DOCK2: variants seen among roughly 807,000 people sequenced by gnomAD.
DOCK2 encodes the protein dedicator of cytokinesis protein 2.
A neutral mutation model predicts 248.9 loss-of-function variants in DOCK2; 87 were observed. That is an observed-to-expected ratio of 0.35 (90% CI 0.29 to 0.42). DOCK2 has a LOEUF of 0.42. Among genes scored for constraint, DOCK2 ranks in the 10% least tolerant of loss-of-function variants. The pLI, the probability that DOCK2 is intolerant of heterozygous loss-of-function variation, is 1.00. For synonymous variants in DOCK2, 805 were observed against 821.6 expected (o/e 0.98, Z 0.35); for missense variants, 1,747 against 2,300.2 (o/e 0.76, Z 4.92).
chr5:169,735,927 A>G (rs949676112), intron 22 of DOCK2, among the ~76,000 whole-genome samples: 3 of 151,762 alleles, frequency 2.0e-5, no homozygotes, highest in Admixed American at 1.3e-4. Context: ...AGCATGCCTT[A>G]GCATGGCAGA....
At chr5:170,025,414 A>G (rs1310389628) in intron 33 of DOCK2, among the ~76,000 whole-genome samples, 2 of 152,242 alleles carry the variant, frequency 1.3e-5, no homozygotes, top group Non-Finnish European at 2.9e-5. Context: ...TAAATTATTT[A>G]CTGTCTGGCC....
intron 25 of DOCK2, among the ~76,000 whole-genome samples, chr5:169,777,633 C>T (rs1765459022): frequency 6.6e-6 from 1 of 152,174 alleles, no homozygotes; most frequent in Non-Finnish European, 1.5e-5. Flanking sequence ...CCTGATTTTG[C>T]TACCTTACCC....
chr5:169,730,922 C>T (rs1048483441), intron 22 of DOCK2, among the ~76,000 whole-genome samples: 6 of 151,988 alleles, frequency 3.9e-5, no homozygotes, highest in Non-Finnish European at 8.8e-5. Context: ...TGCTCTGTTG[C>T]ACAGGCTGAA....
At chr5:170,031,492 T>C (rs1244415145) in intron 34 of DOCK2, among the ~76,000 whole-genome samples, 1 of 152,200 alleles carries the variant, frequency 6.6e-6, no homozygotes, top group Non-Finnish European at 1.5e-5. Flanking sequence ...TTACCTATAT[T>C]TTCTTATGAT....
At chr5:169,862,095 A>G (rs534790625) in intron 27 of DOCK2, among the ~76,000 whole-genome samples, 26 of 152,166 alleles carry the variant, frequency 1.7e-4, no homozygotes, top group Non-Finnish European at 3.4e-4. Flanking sequence ...ACATCTCTTT[A>G]TCTTCCCAGG....
At chr5:169,828,523 A>C (rs1769019364) in intron 26 of DOCK2, among the ~76,000 whole-genome samples, 1 of 152,230 alleles carries the variant, frequency 6.6e-6, no homozygotes, top group Non-Finnish European at 1.5e-5. Flanking sequence ...AAACTGTATT[A>C]GTCATCACTG....
chr5:169,941,153 C>T (rs533119564), intron 27 of DOCK2, among the ~76,000 whole-genome samples: 1 of 152,276 alleles, frequency 6.6e-6, no homozygotes, highest in Admixed American at 6.5e-5. Flanking sequence ...GAGCAGATAA[C>T]AAGGATCCCT....
intron 32 of DOCK2, among the ~76,000 whole-genome samples, chr5:170,011,819 C>G (rs1483252858): frequency 6.6e-6 from 1 of 152,212 alleles, no homozygotes; most frequent in Non-Finnish European, 1.5e-5. Flanking sequence ...CCTCCCCTCT[C>G]TTTCTTTCTG....
chr5:169,932,408 G>A (rs535322380), intron 27 of DOCK2, among the ~76,000 whole-genome samples: 1 of 152,172 alleles, frequency 6.6e-6, no homozygotes, highest in African/African-American at 2.4e-5. Context: ...CATGAAGTAG[G>A]GAGAGAATGG....
chr5:169,750,056 A>C (rs1763816424), intron 23 of DOCK2, among the ~76,000 whole-genome samples: 2 of 152,182 alleles, frequency 1.3e-5, no homozygotes, highest in African/African-American at 4.8e-5. Context: ...CAGGTGTGAA[A>C]TCAGCTCCAA....
At chr5:169,721,915 G>A (rs780687377) in intron 22 of DOCK2, among the ~76,000 whole-genome samples, 1 of 152,234 alleles carries the variant, frequency 6.6e-6, no homozygotes, top group Non-Finnish European at 1.5e-5. Flanking sequence ...CTGAGTCAAA[G>A]TCTGGATCAA....
At chr5:169,655,882 A>G (rs1468344656) in intron 2 of DOCK2, among the ~76,000 whole-genome samples, 1 of 152,174 alleles carries the variant, frequency 6.6e-6, no homozygotes, top group African/African-American at 2.4e-5. Context: ...TCTTCCTTAT[A>G]TTTATTTTAT....
intron 27 of DOCK2, among the ~76,000 whole-genome samples, chr5:169,845,792 G>A (rs1251936719): frequency 6.6e-6 from 1 of 152,192 alleles, no homozygotes; most frequent in East Asian, 1.9e-4. Context: ...GTGCTGAGAG[G>A]GGAGAGCCAG....
At chr5:169,970,011 G>T (rs1484018376) in intron 27 of DOCK2, among the ~76,000 whole-genome samples, 1 of 152,228 alleles carries the variant, frequency 6.6e-6, no homozygotes, top group African/African-American at 2.4e-5. Flanking sequence ...GGCTATGTGA[G>T]GCCTACAGGC....
chr5:169,801,319 G>T (rs1390694288), intron 25 of DOCK2, among the ~76,000 whole-genome samples: 1 of 151,900 alleles, frequency 6.6e-6, no homozygotes, highest in Non-Finnish European at 1.5e-5. Flanking sequence ...CACATTTCAT[G>T]TAGTGCTTAA....
chr5:169,815,585 C>G (rs1768018381), intron 26 of DOCK2, among the ~76,000 whole-genome samples: 1 of 152,344 alleles, frequency 6.6e-6, no homozygotes, highest in Admixed American at 6.5e-5. Flanking sequence ...ATAATACTTT[C>G]ACATGACATT....
chr5:169,974,191 C>T (rs969295932), intron 27 of DOCK2, among the ~76,000 whole-genome samples: 1 of 152,162 alleles, frequency 6.6e-6, no homozygotes, highest in African/African-American at 2.4e-5. Context: ...GTTTTCTTAT[C>T]TATCAAGTAA....
At chr5:169,722,784 A>G (rs1044226449) in intron 22 of DOCK2, among the ~76,000 whole-genome samples, 95 of 152,240 alleles carry the variant, frequency 6.2e-4, no homozygotes, top group African/African-American at 2.1e-3. Flanking sequence ...TCAGATTTAA[A>G]TTATTAAGAA....
At chr5:169,984,665 A>G (rs956975236) in intron 28 of DOCK2, among the ~76,000 whole-genome samples, 24 of 152,214 alleles carry the variant, frequency 1.6e-4, no homozygotes, top group African/African-American at 5.5e-4. Flanking sequence ...ACGTGCGCAC[A>G]CACACACACA....
Sources: allele counts gnomAD v4.1 joint callset (sites outside exome capture counted in the v4.1 genomes callset), GRCh38; gene constraint gnomAD v4.1.1; transcripts MANE v1.5; gene names NCBI Gene and HGNC (gene_info 2026-07-23, HGNC 2026-07-21).